The following DCUN1D5 variants were observed in gnomAD, a reference collection of about 807,000 sequenced individuals.
DCUN1D5 encodes DCN1-like protein 5.
A neutral mutation model predicts 38.3 loss-of-function variants in DCUN1D5; 10 were observed. The observed-to-expected ratio is 0.26, with a 90% CI of 0.16 to 0.44. The LOEUF is 0.44. DCUN1D5 is among the 20% of genes least tolerant of loss of function. DCUN1D5 has a pLI of 1.00. For missense variants in DCUN1D5, 148 were observed against 275.3 expected, an observed-to-expected ratio of 0.54 and a Z score of 3.27; for synonymous variants, 93 against 90.9, an observed-to-expected ratio of 1.02 and a Z score of -0.13.
At chr11:103,089,392 C>G in intron 1 of DCUN1D5, 74 bp from the exon 2 acceptor site, 1 of 1,316,778 alleles carries the variant, frequency 7.6e-7, no homozygotes, top group Non-Finnish European at 1.0e-6. Context: ...TCAAAATTAA[C>G]AACTTCCATT....
rs778988195 is a variant in DCUN1D5 at position 103,064,920 on chromosome 11, A to C, written c.556-543T>G. On this transcript the variant is annotated intron_variant, in intron 6 of 7. Coordinates refer to ENST00000260247, the MANE Select transcript of DCUN1D5 (RefSeq NM_032299.4). The surrounding 1 kb of genome is among the most constrained non-coding windows in gnomAD (Gnocchi z 4.5). ...AGAATTTAATTCAAAATGGTATTAT[A>C]AAGATTTTTAAAAATATATGCCAAA... 2.6e-5 allele frequency among the ~76,000 whole-genome samples: 4 copies of C among 152,222 alleles called. No homozygotes were observed. The highest frequency in any genetic ancestry group is 7.2e-5 in the African/African-American group (3 of 41,452).
At chr11:103,090,358 C>G (rs1187225411) in intron 1 of DCUN1D5, among the ~76,000 whole-genome samples, 1 of 152,162 alleles carries the variant, frequency 6.6e-6, no homozygotes, top group Non-Finnish European at 1.5e-5. Context: ...TCATCGTTCA[C>G]ATTAATAGCC....
rs916811127 is a variant in DCUN1D5 at position 103,067,183 on chromosome 11, A to G, written c.342-616T>C. Reference sequence around the variant, plus strand: ...ACAACAAGTCATACGTGTTATTTTTAAAGACAAGACATTAAATATAAGCAG... The same window carrying G: ...ACAACAAGTCATACGTGTTATTTTTGAAGACAAGACATTAAATATAAGCAG... On this transcript the variant is annotated intron_variant, in intron 4 of 7. Transcript: ENST00000260247. Among the ~76,000 whole-genome samples the G allele has an allele frequency of 1.8e-4, 28 of 152,218 alleles. 1 individual carries two copies.
At chr11:103,084,233 T>C (rs901074932) in intron 2 of DCUN1D5, among the ~76,000 whole-genome samples, 3 of 152,152 alleles carry the variant, frequency 2.0e-5, no homozygotes, top group Non-Finnish European at 4.4e-5. Flanking sequence ...CTTGAGATAT[T>C]ATTCTTAAGA....
Position 103,051,510 on chromosome 11 carries a change from C to CA in DCUN1D5, c.*10848_*10849insT, listed in dbSNP as rs199863555. The CA allele has an allele frequency of 7.4e-6, 1 of 135,188 alleles. No homozygotes were observed. The highest frequency in any genetic ancestry group is 2.5e-4 in the South Asian group (1 of 3,958). 8.4% of individuals were successfully genotyped at this position (135,188 alleles called of 1,614,324 possible). ...GCTTCACATATTTACTTCCCCCCCCCCCCCGCCACCCCTGTGTTAACAGGT... is the reference window on the plus strand; with the variant it reads ...GCTTCACATATTTACTTCCCCCCCCCACCCCGCCACCCCTGTGTTAACAGGT... On this transcript the variant is annotated 3_prime_UTR_variant, in exon 8 of 8. Transcript: ENST00000260247.
At chr11:103,084,841 G>A (rs1862659033) in intron 2 of DCUN1D5, among the ~76,000 whole-genome samples, 1 of 151,780 alleles carries the variant, frequency 6.6e-6, no homozygotes, top group Non-Finnish European at 1.5e-5. Flanking sequence ...AAAAAAAATA[G>A]CCTTGTGTGG....
chr11:103,069,830 G>A (rs929318720), intron 4 of DCUN1D5, among the ~76,000 whole-genome samples: 1 of 152,098 alleles, frequency 6.6e-6, no homozygotes. Context: ...GATTTCTCTT[G>A]CCAGAATAGC....
chr11:103,066,296 C>G lies in DCUN1D5; in HGVS notation c.528G>C (p.Leu176=). 6.2e-7 allele frequency: 1 copy of G among 1,606,008 alleles called. No individual in the cohort carries two copies. Among genetic ancestry groups the G allele is most frequent in the Non-Finnish European group, 8.5e-7 (1 of 1,176,792 alleles). ...CCAGGTACTGGTAAAATACTGAAAA[C>G]AGTGGCCATGTCCTCCCAAGCAGAA... ...LALLLGRTWP[L]FSVFYQYLEQ... The change falls in exon 6 of 8, where the codon CTG becomes CTC. Residue 176 remains leucine, a synonymous_variant. Transcript: ENST00000260247. This position sits in a 1 kb window ranked among gnomAD's most constrained non-coding sequence, Gnocchi z 4.7.
chr11:103,085,077 C>G (rs1442548789), intron 2 of DCUN1D5, among the ~76,000 whole-genome samples: 1 of 152,170 alleles, frequency 6.6e-6, no homozygotes, highest in Non-Finnish European at 1.5e-5. Context: ...TCTAAAGCAT[C>G]AAGAAAACAT....
chr11:103,088,515 T>A lies in DCUN1D5; in HGVS notation c.178+712A>T, dbSNP rs147892400. Reference sequence around the variant, plus strand: ...CTTTCGCCTCTAAAACACAACCCCATCCTGGGCCTAGGGCTCTTCATCCAC... The same window carrying A: ...CTTTCGCCTCTAAAACACAACCCCAACCTGGGCCTAGGGCTCTTCATCCAC... On this transcript the variant is annotated intron_variant, in intron 2 of 7. Coordinates refer to ENST00000260247, the MANE Select transcript of DCUN1D5 (RefSeq NM_032299.4). Among the ~76,000 whole-genome samples, 262 of 152,288 alleles carry A rather than the reference T, an allele frequency of 1.7e-3. 1 individual carries two copies. Among genetic ancestry groups the A allele is most frequent in the Non-Finnish European group, 3.4e-3 (232 of 68,016 alleles).
At position 103,052,132 on chromosome 11, in the gene DCUN1D5, C is replaced by G. The variant is rs138976863; in HGVS notation, c.*10227G>C. 2 of 152,276 alleles carry G rather than the reference C, an allele frequency of 1.3e-5. No individual in the cohort carries two copies. Among genetic ancestry groups the G allele is most frequent in the East Asian group, 3.9e-4 (2 of 5,186 alleles). The allele number at this position is 152,276 out of a possible 1,614,324, so 9.4% of individuals were successfully genotyped here. ...TGAGACTGCTCCAGTACTACTTAAA[C>G]GTAAGTTTTATTCAGTTCTGCAAAT... On this transcript the variant is annotated 3_prime_UTR_variant, in exon 8 of 8. Transcript: ENST00000260247.
rs1271299617 is a variant in DCUN1D5, at chr11:103,053,157, T to C, written c.*9202A>G. 1 of 152,136 alleles carries C rather than the reference T, an allele frequency of 6.6e-6. No homozygotes were observed. Among genetic ancestry groups the C allele is most frequent in the Non-Finnish European group, 1.5e-5 (1 of 67,996 alleles). The allele number at this position is 152,136 out of a possible 1,614,324, so 9.4% of individuals were successfully genotyped here. ...TTTTAATATTTCTCTTTTTTAAAAA[T>C]AGAGTCCTTCCTATGAAGTCAAACC... On this transcript the variant is annotated 3_prime_UTR_variant, in exon 8 of 8. Coordinates refer to ENST00000260247, the MANE Select transcript of DCUN1D5 (RefSeq NM_032299.4). This position sits in a 1 kb window ranked among gnomAD's most constrained non-coding sequence, Gnocchi z 4.8.
At chr11:103,067,355 C>T (rs1325624005) in intron 4 of DCUN1D5, among the ~76,000 whole-genome samples, 1 of 152,160 alleles carries the variant, frequency 6.6e-6, no homozygotes, top group African/African-American at 2.4e-5. Flanking sequence ...TCCTGATAAC[C>T]TTACCATGCT....
In DCUN1D5 at chr11:103,073,076, G is replaced by C. The variant is rs1044992710; in HGVS notation, c.342-6509C>G. ...CAAGATAAACATATAAAAATCAATT[G>C]TATTTCTATATATTAGTAATGAACA... On this transcript the variant is annotated intron_variant, in intron 4 of 7. Transcript: ENST00000260247. The surrounding 1 kb of genome is among the most constrained non-coding windows in gnomAD (Gnocchi z 4.2). Among the ~76,000 whole-genome samples, 1 of 152,002 alleles carries C rather than the reference G, an allele frequency of 6.6e-6. No individual in the cohort carries two copies. The highest frequency in any genetic ancestry group is 2.4e-5 in the African/African-American group (1 of 41,376).
Position 103,062,513 on chromosome 11 carries a change from C to T in DCUN1D5, c.659-99G>A. The T allele has an allele frequency of 4.0e-6, 4 of 1,002,032 alleles. No homozygotes were observed. In the South Asian group the frequency reaches 4.5e-5, roughly 11 times the overall value. The allele number at this position is 1,002,032 out of a possible 1,614,324, so 62.1% of individuals were successfully genotyped here. ...AGCTCTGCAATGACAGAGGAATGAC[C>T]CTTCCTTTCTTTGGGTGTTCTGCTT... is the stretch of plus-strand genomic sequence containing the variant. On this transcript the variant is annotated intron_variant, in intron 7 of 7. Transcript: ENST00000260247. This position sits in a 1 kb window ranked among gnomAD's most constrained non-coding sequence, Gnocchi z 4.6.
In DCUN1D5 at chr11:103,053,965, C is replaced by G; in HGVS notation, c.*8394G>C. 1 of 151,890 alleles carries G rather than the reference C, an allele frequency of 6.6e-6. No individual in the cohort carries two copies. The highest frequency in any genetic ancestry group is 1.9e-4 in the East Asian group (1 of 5,192). 9.4% of individuals were successfully genotyped at this position (151,890 alleles called of 1,614,324 possible). On this transcript the variant is annotated 3_prime_UTR_variant, in exon 8 of 8. Coordinates refer to ENST00000260247, the MANE Select transcript of DCUN1D5 (RefSeq NM_032299.4). This position sits in a 1 kb window ranked among gnomAD's most constrained non-coding sequence, Gnocchi z 4.8. Reference sequence around the variant, plus strand: ...ACTATTATTATCCTCATGTTACAGACAAGGAAATGAAAGAACTAGCACACA... The same window carrying G: ...ACTATTATTATCCTCATGTTACAGAGAAGGAAATGAAAGAACTAGCACACA...
chr11:103,086,402 T>G lies in DCUN1D5; in HGVS notation c.178+2825A>C, dbSNP rs1862709243. On this transcript the variant is annotated intron_variant, in intron 2 of 7. Transcript: ENST00000260247. This position sits in a 1 kb window ranked among gnomAD's most constrained non-coding sequence, Gnocchi z 4.1. The stretch of plus-strand genomic sequence containing the variant: ...GTAGGCAAAATTATTGGCTTCATTT[T>G]AATACGGACATACCCATTTCAAGAC... Among the ~76,000 whole-genome samples the G allele has an allele frequency of 6.6e-6, 1 of 152,212 alleles. No homozygotes were observed. The highest frequency in any genetic ancestry group is 1.5e-5 in the Non-Finnish European group (1 of 68,040).
chr11:103,082,587 C>T (rs572921269), intron 4 of DCUN1D5, among the ~76,000 whole-genome samples, 161 bp downstream of exon 4: 71 of 151,878 alleles, frequency 4.7e-4, no homozygotes, highest in African/African-American at 1.7e-3. Context: ...ATATATTTGC[C>T]CAAGACCACA....
In DCUN1D5 at chr11:103,061,588, CTCT is replaced by C. The variant is rs1223614378; in HGVS notation, c.*768_*770del. 1.4e-5 allele frequency among the ~76,000 whole-genome samples: 2 copies of C among 139,514 alleles called. No individual in the cohort carries two copies. Among genetic ancestry groups the C allele is most frequent in the Non-Finnish European group, 3.0e-5 (2 of 65,682 alleles). 91.5% of individuals were successfully genotyped at this position (139,514 alleles called of 152,430 possible). A position where few individuals can be genotyped will look rare whatever the true frequency, so the allele number is the denominator to read the frequency against. On this transcript the variant is annotated 3_prime_UTR_variant, in exon 8 of 8. Transcript: ENST00000260247. ...TTAAATCCATATCACAGCTAACGTT[CTCT>C]TAAGGCAAAAAAAAAAAAAAAAAGT...
Sources: allele counts gnomAD v4.1 joint callset (sites outside exome capture counted in the v4.1 genomes callset), GRCh38; gene constraint gnomAD v4.1.1; non-coding constraint Gnocchi (gnomAD v3.1); transcripts MANE v1.5; gene names NCBI Gene and HGNC (gene_info 2026-07-23, HGNC 2026-07-21).